BICD2: variants seen among roughly 807,000 people sequenced by gnomAD.
The protein encoded by BICD2 is protein bicaudal D homolog 2.
A neutral mutation model predicts 72.9 loss-of-function variants in BICD2; 25 were observed. The ratio of observed to expected loss-of-function variants is 0.34; its 90% CI spans 0.25 to 0.48. The LOEUF (loss-of-function observed/expected upper bound fraction) is 0.48, where lower values mean the gene tolerates loss of function less well. BICD2 is among the 20% of genes least tolerant of loss of function. The pLI is 0.99. For missense variants in BICD2, 894 were observed against 1,175.2 expected (o/e 0.76, Z 3.50); for synonymous variants, 501 against 516.1 (o/e 0.97, Z 0.40).
In BICD2 at chr9:92,720,843, A is replaced by C; in HGVS notation, c.607-88T>G. 1 of 1,352,420 alleles carries C rather than the reference A, an allele frequency of 7.4e-7. No homozygotes were observed. Among genetic ancestry groups the C allele is most frequent in the African/African-American group, 1.5e-5 (1 of 68,352 alleles). The allele number at this position is 1,352,420 out of a possible 1,614,324, so 83.8% of individuals were successfully genotyped here. A position where few individuals can be genotyped will look rare whatever the true frequency, so the allele number is the denominator to read the frequency against. On this transcript the variant is annotated intron_variant, in intron 3 of 6. Transcript: ENST00000356884. This position sits in a 1 kb window ranked among gnomAD's most constrained non-coding sequence, Gnocchi z 5.4. ...AATGAAGAAAACACACCAGCACACC[A>C]ACTCCGGCCACTATGAAGCAAAAGA...
At chr9:92,734,729 C>T (rs1853744073) in intron 1 of BICD2, among the ~76,000 whole-genome samples, 1 of 152,142 alleles carries the variant, frequency 6.6e-6, no homozygotes, top group Non-Finnish European at 1.5e-5. Context: ...CTTGTCCTTG[C>T]AGCTTCCTTC....
At chr9:92,754,518 T>G (rs1451556045) in intron 1 of BICD2, among the ~76,000 whole-genome samples, 1 of 152,172 alleles carries the variant, frequency 6.6e-6, no homozygotes, top group Non-Finnish European at 1.5e-5. Context: ...GTAATAAAAT[T>G]GGCCTGATCC....
At chr9:92,715,830 C>T (rs1038019311) in intron 6 of BICD2, among the ~76,000 whole-genome samples, 26 of 152,276 alleles carry the variant, frequency 1.7e-4, no homozygotes, top group African/African-American at 4.1e-4. Flanking sequence ...GCGCTCTCCC[C>T]GCTTAAAGGC....
At chr9:92,743,876 G>A (rs192007047) in intron 1 of BICD2, among the ~76,000 whole-genome samples, 2 of 152,322 alleles carry the variant, frequency 1.3e-5, no homozygotes, top group East Asian at 1.9e-4. Flanking sequence ...GGCTCTCCAA[G>A]TGGCCAGTAA....
chr9:92,736,507 A>G (rs1250120258), intron 1 of BICD2, among the ~76,000 whole-genome samples: 2 of 152,240 alleles, frequency 1.3e-5, no homozygotes, highest in African/African-American at 2.4e-5. Context: ...AAAACTTGTG[A>G]ATAATCCATC....
chr9:92,742,191 A>C (rs1853910088), intron 1 of BICD2, among the ~76,000 whole-genome samples: 1 of 152,210 alleles, frequency 6.6e-6, no homozygotes, highest in African/African-American at 2.4e-5. Context: ...TCTGGGGATT[A>C]CTTCAGAATA....
At chr9:92,743,484 C>A (rs377744824) in intron 1 of BICD2, among the ~76,000 whole-genome samples, 1 of 151,824 alleles carries the variant, frequency 6.6e-6, no homozygotes, top group Non-Finnish European at 1.5e-5. Flanking sequence ...CACAAGATAC[C>A]GTGTTCAGCC....
Position 92,715,614 on chromosome 9 carries a change from G to A in BICD2, c.2259-151C>T, listed in dbSNP as rs1376798865. ...TGGACTGGAGGGTGTGGCTGGGGAA[G>A]AATTATTCTGGCTTATTTTAGCACA... is the stretch of plus-strand genomic sequence containing the variant. On this transcript the variant is annotated intron_variant, in intron 6 of 6. Transcript: ENST00000356884. The A allele has an allele frequency of 3.8e-6, 3 of 784,762 alleles. No individual in the cohort carries two copies. The African/African-American group carries it at 5.3e-5, about 14-fold the overall frequency. 48.6% of individuals were successfully genotyped at this position (784,762 alleles called of 1,614,324 possible).
chr9:92,727,129 C>T (rs941432413), intron 2 of BICD2, among the ~76,000 whole-genome samples: 4 of 152,192 alleles, frequency 2.6e-5, no homozygotes, highest in Non-Finnish European at 5.9e-5. Context: ...TGAGACTCCC[C>T]ACCCTGAGTC....
At chr9:92,718,434 C>T (rs978198073) in intron 5 of BICD2, 105 bp downstream of exon 5, 65 of 1,371,180 alleles carry the variant, frequency 4.7e-5, no homozygotes, top group South Asian at 2.7e-4. Flanking sequence ...CTGGTGGTGA[C>T]GCAGGCCTGG....
At chr9:92,745,813 G>A (rs72758519) in intron 1 of BICD2, among the ~76,000 whole-genome samples, 4 of 152,180 alleles carry the variant, frequency 2.6e-5, no homozygotes, top group Non-Finnish European at 4.4e-5. Context: ...AAGAAAGAGA[G>A]GCTGATGATC....
chr9:92,762,395 T>C (rs370176514), intron 1 of BICD2, among the ~76,000 whole-genome samples: 1 of 152,148 alleles, frequency 6.6e-6, no homozygotes. Flanking sequence ...ACTGAAACGC[T>C]GATGCACATT....
chr9:92,744,735 G>A (rs897068256), intron 1 of BICD2, among the ~76,000 whole-genome samples: 4 of 152,114 alleles, frequency 2.6e-5, no homozygotes, highest in Admixed American at 2.0e-4. Context: ...CAGCTACTCA[G>A]GAGGCTGAGG....
At position 92,764,390 on chromosome 9, in the gene BICD2, C is replaced by T; in HGVS notation, c.240+115G>A. The T allele has an allele frequency of 7.5e-7, 1 of 1,333,090 alleles. No individual in the cohort carries two copies. Among genetic ancestry groups the T allele is most frequent in the Non-Finnish European group, 9.6e-7 (1 of 1,040,278 alleles). 82.6% of individuals were successfully genotyped at this position (1,333,090 alleles called of 1,614,324 possible). ...GCCCGTGCCCCCTCCGCCCCGGCGG[C>T]CCACCCCTGCCGGCCCCCGCTTGGC... On this transcript the variant is annotated intron_variant, in intron 1 of 6. Coordinates refer to ENST00000356884, the MANE Select transcript of BICD2 (RefSeq NM_001003800.2). The surrounding 1 kb of genome is among the most constrained non-coding windows in gnomAD (Gnocchi z 5.5).
chr9:92,740,841 T>C (rs1334822792), intron 1 of BICD2, among the ~76,000 whole-genome samples: 4 of 152,192 alleles, frequency 2.6e-5, no homozygotes, highest in Non-Finnish European at 5.9e-5. Flanking sequence ...AGCTACTGCA[T>C]TGCTGGTTCC....
intron 1 of BICD2, among the ~76,000 whole-genome samples, chr9:92,736,256 G>C (rs1458518128): frequency 4.6e-5 from 7 of 152,212 alleles, no homozygotes; most frequent in African/African-American, 1.7e-4. Flanking sequence ...AACCAAGATG[G>C]CAAGGAGAGT....
At chr9:92,757,426 C>T (rs1854283630) in intron 1 of BICD2, among the ~76,000 whole-genome samples, 1 of 151,504 alleles carries the variant, frequency 6.6e-6, no homozygotes, top group Non-Finnish European at 1.5e-5. Flanking sequence ...ATTTATGAGC[C>T]AAACTGGGGA....
In BICD2 at chr9:92,719,008, T is replaced by C. The variant is rs1370503586; in HGVS notation, c.1637A>G (p.Asn546Ser). The C allele has an allele frequency of 1.9e-6, 3 of 1,612,092 alleles. No homozygotes were observed. Among genetic ancestry groups the C allele is most frequent in the Non-Finnish European group, 2.5e-6 (3 of 1,179,946 alleles). ...CAGCATGACACGGTTGGGTGTCTCA[T>C]TGTTGCACATGCACACGTGGTGGTA... The part of the protein sequence containing the change: ...NLYHHVCMCN[N>S]ETPNRVMLDY... The change falls in exon 5 of 7, where the codon AAT becomes AGT. Residue 546 changes from asparagine to serine, a missense_variant. Asn to Ser is a conservative substitution (Grantham distance 46, BLOSUM62 1). This residue lies in a region of BICD2 where 5 missense variants were observed against 24.1 expected (regional missense o/e 0.21). Coordinates refer to ENST00000356884, the MANE Select transcript of BICD2 (RefSeq NM_001003800.2).
At chr9:92,731,298 C>T (rs375807610) in intron 1 of BICD2, among the ~76,000 whole-genome samples, 68 of 152,268 alleles carry the variant, frequency 4.5e-4, no homozygotes, top group African/African-American at 1.5e-3. Flanking sequence ...TGCCATGACA[C>T]GACATTCAAG....
Sources: allele counts gnomAD v4.1 joint callset (sites outside exome capture counted in the v4.1 genomes callset), GRCh38; gene constraint gnomAD v4.1.1; regional missense constraint gnomAD v4.1.1; non-coding constraint Gnocchi (gnomAD v3.1); transcripts MANE v1.5; gene names NCBI Gene and HGNC (gene_info 2026-07-23, HGNC 2026-07-21).